The following SBNO2 variants were observed in gnomAD, a reference collection of about 807,000 sequenced individuals.
SBNO2 encodes the protein protein strawberry notch homolog 2.
In SBNO2, 89 loss-of-function variants were observed where a neutral mutation model predicts 146.3. The ratio of observed to expected loss-of-function variants is 0.61; its 90% CI spans 0.51 to 0.73. The LOEUF (loss-of-function observed/expected upper bound fraction) is 0.73. Among genes scored for constraint, SBNO2 ranks in the 30% least tolerant of loss-of-function variants. SBNO2 has a pLI of 0.00. For missense variants in SBNO2, 2,092 were observed against 2,003.7 expected, an observed-to-expected ratio of 1.04 and a Z score of -0.84; for synonymous variants, 1,147 against 892.6, an observed-to-expected ratio of 1.29 and a Z score of -5.08.
Position 1,116,042 on chromosome 19 carries a change from CTCT to C in SBNO2, c.1861_1863del (p.Arg621del). Reference sequence around the variant, plus strand: ...TTACGTTTCCGCTTGCTGCCCGCTCCTCTGTCCCGCTTTCTCTTGGTGGACGGA... The same window carrying C: ...TTACGTTTCCGCTTGCTGCCCGCTCCGTCCCGCTTTCTCTTGGTGGACGGA... On this transcript the variant is annotated inframe_deletion, in exon 17 of 32. Coordinates refer to ENST00000361757, the MANE Select transcript of SBNO2 (RefSeq NM_014963.3). The C allele has an allele frequency of 6.2e-7, 1 of 1,610,970 alleles. No homozygotes were observed. The highest frequency in any genetic ancestry group is 8.5e-7 in the Non-Finnish European group (1 of 1,179,318).
intron 2 of SBNO2, among the ~76,000 whole-genome samples, chr19:1,153,427 C>T (rs144134991): frequency 0.053 from 8,019 of 150,176 alleles, 349 homozygotes; most frequent in East Asian, 0.24. Flanking sequence ...TTAGTAGAGA[C>T]AGGGTTTCAC....
In SBNO2 at chr19:1,108,054, G is replaced by C. The variant is rs1031941443; in HGVS notation, c.*166C>G. 1.4e-6 allele frequency: 1 copy of C among 706,134 alleles called. No individual in the cohort carries two copies. Among genetic ancestry groups the C allele is most frequent in the African/African-American group, 2.0e-5 (1 of 50,746 alleles). The allele number at this position is 706,134 out of a possible 1,614,324, so 43.7% of individuals were successfully genotyped here. A position where few individuals can be genotyped will look rare whatever the true frequency, so the allele number is the denominator to read the frequency against. ...CCCCCAGCTGTCCTGAGTGGGCCCC[G>C]CCAGGGCTGACCAGGTGGGGGCCCG... On this transcript the variant is annotated 3_prime_UTR_variant, in exon 32 of 32. Transcript: ENST00000361757.
intron 3 of SBNO2, among the ~76,000 whole-genome samples, chr19:1,148,320 C>T (rs1274165297): frequency 6.6e-6 from 1 of 151,994 alleles, no homozygotes; most frequent in Non-Finnish European, 1.5e-5. Flanking sequence ...CCACAAACAG[C>T]TGCTCCACAA....
At chr19:1,138,616 C>T (rs1388699006) in intron 4 of SBNO2, among the ~76,000 whole-genome samples, 2 of 152,108 alleles carry the variant, frequency 1.3e-5, no homozygotes, top group Admixed American at 6.6e-5. Context: ...GCAGCACAAG[C>T]GTCCATCACG....
intron 4 of SBNO2, among the ~76,000 whole-genome samples, 156 bp downstream of exon 4, chr19:1,147,153 C>A (rs1166367183): frequency 3.9e-5 from 6 of 152,126 alleles, no homozygotes; most frequent in Admixed American, 3.9e-4. Flanking sequence ...CATCTCTGGG[C>A]TCCTACTGCC....
rs2079970528 is a variant in SBNO2 at position 1,126,788 on chromosome 19, C to G, written c.441+816G>C. 6.6e-6 allele frequency among the ~76,000 whole-genome samples: 1 copy of G among 152,230 alleles called. No individual in the cohort carries two copies. Among genetic ancestry groups the G allele is most frequent in the South Asian group, 2.1e-4 (1 of 4,838 alleles). ...CATGTCCAACGTCTGCTCCCAAAGT[C>G]TAGAAGCTTCTCTCGTGGACAGGCC... is the stretch of plus-strand genomic sequence containing the variant. On this transcript the variant is annotated intron_variant, in intron 5 of 31. Transcript: ENST00000361757. The surrounding 1 kb of genome is among the most constrained non-coding windows in gnomAD (Gnocchi z 4.4).
rs1429728340 is a variant in SBNO2 at position 1,109,276 on chromosome 19, C to T, written c.3348+16G>A. ...GCCGGCAACCCGAGCGAAAGCTGCG[C>T]CCGGCGGCCGCCTACCCGGTGGAAC... On this transcript the variant is annotated intron_variant, in intron 29 of 31. Coordinates refer to ENST00000361757, the MANE Select transcript of SBNO2 (RefSeq NM_014963.3). The surrounding 1 kb of genome is among the most constrained non-coding windows in gnomAD (Gnocchi z 4.2). 2 of 1,585,316 alleles carry T rather than the reference C, an allele frequency of 1.3e-6. No homozygotes were observed. Among genetic ancestry groups the T allele is most frequent in the Non-Finnish European group, 1.7e-6 (2 of 1,166,660 alleles).
intron 4 of SBNO2, among the ~76,000 whole-genome samples, chr19:1,143,242 C>G (rs926425461): frequency 1.3e-5 from 2 of 152,176 alleles, no homozygotes; most frequent in African/African-American, 4.8e-5. Context: ...CTTTGGTAGG[C>G]TCAGGCAGGA....
intron 16 of SBNO2, 73 bp from the exon 17 acceptor site, chr19:1,116,176 ACGCACCCCTGGGT>A: frequency 7.1e-7 from 1 of 1,418,106 alleles, no homozygotes; most frequent in South Asian, 1.3e-5. Context: ...CAGGAGCTGG[ACGCACCCCTGGGT>A]CCCTGTGGGG....
chr19:1,124,293 C>T (rs1283846044), intron 5 of SBNO2, among the ~76,000 whole-genome samples: 1 of 152,232 alleles, frequency 6.6e-6, no homozygotes, highest in African/African-American at 2.4e-5. Flanking sequence ...AGTGTGCCTG[C>T]CTGGAGTGCC....
chr19:1,141,654 T>C (rs1425781013), intron 4 of SBNO2, among the ~76,000 whole-genome samples: 1 of 151,680 alleles, frequency 6.6e-6, no homozygotes, highest in Non-Finnish European at 1.5e-5. Context: ...CCTCCACGCA[T>C]CCATCACGGA....
At chr19:1,166,850 T>G (rs1027972883) in intron 1 of SBNO2, among the ~76,000 whole-genome samples, 4 of 152,194 alleles carry the variant, frequency 2.6e-5, no homozygotes, top group African/African-American at 9.6e-5. Flanking sequence ...CCACACCTGC[T>G]ACTGTCACTG....
rs544518995 is a variant in SBNO2, at chr19:1,122,624, C to T, written c.914+34G>A. 117 of 1,511,330 alleles carry T rather than the reference C, an allele frequency of 7.7e-5. No homozygotes were observed. In the East Asian group the frequency reaches 2.1e-3, roughly 28 times the overall value. The allele number at this position is 1,511,330 out of a possible 1,614,324, so 93.6% of individuals were successfully genotyped here. Reference sequence around the variant, plus strand: ...CGCCCCCCGCTTCCGCCCCCCACCCCCGCTCCCGCCCCCTGCCCCAGGCAG... The same window carrying T: ...CGCCCCCCGCTTCCGCCCCCCACCCTCGCTCCCGCCCCCTGCCCCAGGCAG... On this transcript the variant is annotated intron_variant, in intron 9 of 31. Coordinates refer to ENST00000361757, the MANE Select transcript of SBNO2 (RefSeq NM_014963.3).
intron 4 of SBNO2, among the ~76,000 whole-genome samples, chr19:1,145,014 CAGAGACAGAGGCAGAGAG>C (rs1179693274): frequency 2.1e-5 from 3 of 144,980 alleles, no homozygotes; most frequent in Non-Finnish European, 4.5e-5. Flanking sequence ...TAGAGGGAGA[CAGAGACAGAGGCAGAGAG>C]AGAGACAGAG....
intron 1 of SBNO2, chr19:1,168,862 C>A (rs911549035): frequency 6.6e-6 from 1 of 152,208 alleles, no homozygotes; most frequent in Non-Finnish European, 1.5e-5. Flanking sequence ...GAAGGCTCAC[C>A]GGCTCCCCCT....
chr19:1,110,704 A>G lies in SBNO2; in HGVS notation c.3028+41T>C, dbSNP rs758874956. 1.3e-6 allele frequency: 2 copies of G among 1,576,438 alleles called. No homozygotes were observed. The highest frequency in any genetic ancestry group is 2.2e-5 in the South Asian group (2 of 90,002). On this transcript the variant is annotated intron_variant, in intron 26 of 31. Coordinates refer to ENST00000361757, the MANE Select transcript of SBNO2 (RefSeq NM_014963.3). The surrounding 1 kb of genome is among the most constrained non-coding windows in gnomAD (Gnocchi z 4.9). ...TGCATGGCGTTCCCACGAGCCCCGC[A>G]CCCACACCCACCCACACCACACCCC...
rs1196366261 is a variant in SBNO2, at chr19:1,144,781, GAGAC to G, written c.279+2524_279+2527del. On this transcript the variant is annotated intron_variant, in intron 4 of 31. Transcript: ENST00000361757. The surrounding 1 kb of genome is among the most constrained non-coding windows in gnomAD (Gnocchi z 4.1). The stretch of plus-strand genomic sequence containing the variant: ...ACAGAGAGACAGAGGCAGAGACAAA[GAGAC>G]AGAGACAGAGAGGGAGACAGAGAGA... Among the ~76,000 whole-genome samples, 1 of 151,022 alleles carries G rather than the reference GAGAC, an allele frequency of 6.6e-6. No individual in the cohort carries two copies. Among genetic ancestry groups the G allele is most frequent in the Non-Finnish European group, 1.5e-5 (1 of 67,702 alleles).
Position 1,127,782 on chromosome 19 carries a change from G to C in SBNO2, c.280-17C>G. The C allele has an allele frequency of 6.2e-7, 1 of 1,611,422 alleles. No homozygotes were observed. Among genetic ancestry groups the C allele is most frequent in the South Asian group, 1.1e-5 (1 of 90,980 alleles). On this transcript the variant is annotated splice_polypyrimidine_tract_variant and intron_variant, in intron 4 of 31. Transcript: ENST00000361757. Reference sequence around the variant, plus strand: ...GGAGGAGTCCTGGAAGACAAGGCCAGGCCCGGTGAGGGTGGTACGGGAGAC... The same window carrying C: ...GGAGGAGTCCTGGAAGACAAGGCCACGCCCGGTGAGGGTGGTACGGGAGAC...
At chr19:1,154,136 G>A (rs1410329457) in intron 2 of SBNO2, 48 bp downstream of exon 2, 1 of 965,116 alleles carries the variant, frequency 1.0e-6, no homozygotes, top group Non-Finnish European at 1.3e-6. Flanking sequence ...AGCGGGGCAA[G>A]TGCCCGTGGA....
Sources: allele counts gnomAD v4.1 joint callset (sites outside exome capture counted in the v4.1 genomes callset), GRCh38; gene constraint gnomAD v4.1.1; non-coding constraint Gnocchi (gnomAD v3.1); transcripts MANE v1.5; gene names NCBI Gene and HGNC (gene_info 2026-07-23, HGNC 2026-07-21).